Variants in METAP1 observed in about 807,000 individuals in gnomAD.
METAP1 encodes the protein methionyl aminopeptidase 1.
In METAP1, 28 loss-of-function variants were observed where a neutral mutation model predicts 53.8. The ratio of observed to expected loss-of-function variants is 0.52; its 90% CI spans 0.39 to 0.71. The LOEUF (loss-of-function observed/expected upper bound fraction) is 0.71. Among genes scored for constraint, METAP1 ranks in the 30% least tolerant of loss-of-function variants. The pLI is 0.00. For synonymous variants in METAP1, 181 were observed against 165.7 expected, an observed-to-expected ratio of 1.09 and a Z score of -0.71; for missense variants, 389 against 479.8, an observed-to-expected ratio of 0.81 and a Z score of 1.77.
At chr4:99,048,472 A>G (rs772817960) in intron 8 of METAP1, among the ~76,000 whole-genome samples, 25 of 151,994 alleles carry the variant, frequency 1.6e-4, no homozygotes, top group Non-Finnish European at 2.8e-4. Flanking sequence ...GGTTCTAGTG[A>G]TCCTCCTAGC....
intron 1 of METAP1, among the ~76,000 whole-genome samples, chr4:99,002,133 AT>A (rs1722951812): frequency 2.0e-5 from 3 of 152,138 alleles, no homozygotes. Context: ...TATTTGCAAA[AT>A]TTTAGTTAAG....
chr4:99,031,015 T>C (rs1346783540), intron 2 of METAP1, among the ~76,000 whole-genome samples: 2 of 151,748 alleles, frequency 1.3e-5, no homozygotes, highest in African/African-American at 4.8e-5. Flanking sequence ...CATCTGGATC[T>C]GGAGTTTGCT....
In METAP1 at chr4:99,061,499, A is replaced by G; in HGVS notation, c.*182A>G. 4.1e-6 allele frequency: 2 copies of G among 489,022 alleles called. No individual in the cohort carries two copies. The highest frequency in any genetic ancestry group is 6.9e-6 in the Non-Finnish European group (2 of 290,558). The allele number at this position is 489,022 out of a possible 1,614,324, so 30.3% of individuals were successfully genotyped here. A position where few individuals can be genotyped will look rare whatever the true frequency, so the allele number is the denominator to read the frequency against. On this transcript the variant is annotated 3_prime_UTR_variant, in exon 11 of 11. Coordinates refer to ENST00000296411, the MANE Select transcript of METAP1 (RefSeq NM_015143.3). ...TCTTGGGTCTGAAAAAGCTGAGAAGAATAAAGGAAACATTGCTCAACTCTT... is the reference window on the plus strand; with the variant it reads ...TCTTGGGTCTGAAAAAGCTGAGAAGGATAAAGGAAACATTGCTCAACTCTT...
intron 9 of METAP1, among the ~76,000 whole-genome samples, chr4:99,057,078 T>A (rs945143354): frequency 6.6e-6 from 1 of 152,222 alleles, no homozygotes; most frequent in Non-Finnish European, 1.5e-5. Flanking sequence ...TTGGCCAGGC[T>A]GGTCTCAAAC....
chr4:99,004,028 A>G (rs922428994), intron 1 of METAP1, among the ~76,000 whole-genome samples: 13 of 152,132 alleles, frequency 8.5e-5, no homozygotes, highest in Non-Finnish European at 1.5e-4. Flanking sequence ...GGTTTGGTTA[A>G]TTTGCTAGAG....
rs762652306 is a variant in METAP1, at chr4:99,035,368, G to A, written c.280-32G>A. On this transcript the variant is annotated intron_variant, in intron 3 of 10. Coordinates refer to ENST00000296411, the MANE Select transcript of METAP1 (RefSeq NM_015143.3). ...CCCCTCGTTTTATTTATTTTTCGTT[G>A]GTAAATCAGTTTTAACTAACTTTGT... 5.4e-6 allele frequency: 8 copies of A among 1,481,190 alleles called. No individual in the cohort carries two copies. In the African/African-American group the frequency reaches 1.1e-4, roughly 21 times the overall value. 91.8% of individuals were successfully genotyped at this position (1,481,190 alleles called of 1,614,324 possible). A position where few individuals can be genotyped will look rare whatever the true frequency, so the allele number is the denominator to read the frequency against.
chr4:99,050,475 G>T (rs549380029), intron 9 of METAP1, among the ~76,000 whole-genome samples: 1 of 152,324 alleles, frequency 6.6e-6, no homozygotes, highest in South Asian at 2.1e-4. Flanking sequence ...GACGTGGATA[G>T]TTGTGAAGAG....
At chr4:99,055,719 G>A (rs773353531) in intron 9 of METAP1, among the ~76,000 whole-genome samples, 3 of 152,166 alleles carry the variant, frequency 2.0e-5, no homozygotes, top group Non-Finnish European at 4.4e-5. Context: ...CACTTTTCAA[G>A]TACTTTCTAG....
intron 1 of METAP1, among the ~76,000 whole-genome samples, chr4:99,021,243 C>T (rs1724089141): frequency 6.6e-6 from 1 of 152,218 alleles, no homozygotes; most frequent in Non-Finnish European, 1.5e-5. Flanking sequence ...ATACATCACA[C>T]AACCCTTCAA....
chr4:99,048,295 T>TGC (rs1469737435), intron 8 of METAP1, among the ~76,000 whole-genome samples: 1 of 152,214 alleles, frequency 6.6e-6, no homozygotes, highest in African/African-American at 2.4e-5. Flanking sequence ...GGCCTCTCTG[T>TGC]GCCTCATCTG....
At chr4:99,037,213 G>A (rs1725491275) in intron 4 of METAP1, among the ~76,000 whole-genome samples, 1 of 151,542 alleles carries the variant, frequency 6.6e-6, no homozygotes, top group South Asian at 2.1e-4. Context: ...GTATATTAAC[G>A]AAAATAACCT....
intron 1 of METAP1, among the ~76,000 whole-genome samples, chr4:99,017,821 C>T (rs1723864865): frequency 1.3e-5 from 2 of 152,210 alleles, no homozygotes; most frequent in South Asian, 4.1e-4. Flanking sequence ...ACTGGATGCA[C>T]TGGGGACAGC....
intron 1 of METAP1, among the ~76,000 whole-genome samples, chr4:98,998,296 G>C (rs1406900386): frequency 4.6e-5 from 7 of 152,154 alleles, no homozygotes; most frequent in Non-Finnish European, 8.8e-5. Context: ...GCCTAGGCGG[G>C]TGGATCACCT....
chr4:99,044,639 ATAG>A lies in METAP1; in HGVS notation c.656-537_656-535del, dbSNP rs1018940320. Among the ~76,000 whole-genome samples, 61 of 151,934 alleles carry A rather than the reference ATAG, an allele frequency of 4.0e-4. 1 individual carries two copies. The highest frequency in any genetic ancestry group is 1.5e-3 in the African/African-American group (61 of 41,488). On this transcript the variant is annotated intron_variant, in intron 7 of 10. Coordinates refer to ENST00000296411, the MANE Select transcript of METAP1 (RefSeq NM_015143.3). ...TCTCTAGATACATTATAATGGTATA[ATAG>A]TATATAATATATAGTATAATAGTAA...
At chr4:99,022,724 G>C in intron 1 of METAP1, 1 of 1,547,054 alleles carries the variant, frequency 6.5e-7, no homozygotes, top group Non-Finnish European at 8.9e-7. Flanking sequence ...ATAATGGGAG[G>C]GGCTGCACCT....
Position 99,022,199 on chromosome 4 carries a change from A to G in METAP1, c.115-6668A>G, listed in dbSNP as rs917055027. The G allele has an allele frequency of 1.3e-5, 5 of 372,862 alleles. No homozygotes were observed. In the South Asian group the frequency reaches 5.7e-4, roughly 43 times the overall value. 23.1% of individuals were successfully genotyped at this position (372,862 alleles called of 1,614,324 possible). A position where few individuals can be genotyped will look rare whatever the true frequency, so the allele number is the denominator to read the frequency against. On this transcript the variant is annotated intron_variant, in intron 1 of 10. Transcript: ENST00000296411. ...TTCCACGTTTGGGCCCTCACCAGAG[A>G]CACTGGTCTAGAAACACAATAAAAT... is the stretch of plus-strand genomic sequence containing the variant.
At chr4:99,000,706 C>CTTT (rs1162206376) in intron 1 of METAP1, among the ~76,000 whole-genome samples, 1 of 97,906 alleles carries the variant, frequency 1.0e-5, no homozygotes, top group Admixed American at 1.0e-4. Flanking sequence ...CTCTCTCTCT[C>CTTT]TTTTTTTTTT....
intron 1 of METAP1, among the ~76,000 whole-genome samples, chr4:99,007,013 A>G (rs1430349050): frequency 6.7e-6 from 1 of 150,218 alleles, no homozygotes; most frequent in Non-Finnish European, 1.5e-5. Context: ...GCTACAGTGC[A>G]GTGGTGTGAT....
intron 6 of METAP1, 60 bp downstream of exon 6, chr4:99,041,186 TA>T: frequency 8.5e-7 from 1 of 1,172,786 alleles, no homozygotes; most frequent in Non-Finnish European, 1.2e-6. Flanking sequence ...GCTTTGAACT[TA>T]AACATTAAGT....
Sources: allele counts gnomAD v4.1 joint callset (sites outside exome capture counted in the v4.1 genomes callset), GRCh38; gene constraint gnomAD v4.1.1; transcripts MANE v1.5; gene names NCBI Gene and HGNC (gene_info 2026-07-23, HGNC 2026-07-21).